Variants in ACACA observed in about 807,000 individuals in gnomAD.
The protein encoded by ACACA is acetyl-CoA carboxylase 1.
In ACACA, 103 loss-of-function variants were observed where a neutral mutation model predicts 296.1. That is an observed-to-expected ratio of 0.35 (90% CI 0.30 to 0.41). The LOEUF (loss-of-function observed/expected upper bound fraction) is 0.41. Among genes scored for constraint, ACACA ranks in the 10% least tolerant of loss-of-function variants. The pLI, the probability that ACACA is intolerant of heterozygous loss-of-function variation, is 1.00. For missense variants in ACACA, 1,554 were observed against 2,989.7 expected (o/e 0.52, Z 11.20); for synonymous variants, 953 against 1,038.6 (o/e 0.92, Z 1.58).
rs143839867 is a variant in ACACA at position 37,172,014 on chromosome 17, C to T, written c.5079+7246G>A. ...ATGAGTGCTGAACTCTGGTGCCCCC[C>T]GCTACTCCTCATTCTCTGGTGTCAT... On this transcript the variant is annotated intron_variant, in intron 41 of 55. Transcript: ENST00000616317. Among the ~76,000 whole-genome samples, 32 of 152,232 alleles carry T rather than the reference C, an allele frequency of 2.1e-4. No individual in the cohort carries two copies. In the East Asian group the frequency reaches 5.2e-3, roughly 25 times the overall value.
chr17:37,393,974 A>T (rs1387343163), intron 1 of ACACA, among the ~76,000 whole-genome samples: 1 of 152,144 alleles, frequency 6.6e-6, no homozygotes, highest in African/African-American at 2.4e-5. Flanking sequence ...ATCCATTAAT[A>T]ACTTCAAGTC....
At chr17:37,209,340 G>C (rs1468582275) in intron 30 of ACACA, among the ~76,000 whole-genome samples, 1 of 152,072 alleles carries the variant, frequency 6.6e-6, no homozygotes, top group Non-Finnish European at 1.5e-5. Flanking sequence ...CTACTTGCTT[G>C]GCATTAGACA....
Position 37,235,226 on chromosome 17 carries a change from G to A in ACACA, c.3122-127C>T, listed in dbSNP as rs112779103. 2.4e-6 allele frequency: 3 copies of A among 1,246,386 alleles called. No homozygotes were observed. In the South Asian group the frequency reaches 3.7e-5, roughly 16 times the overall value. 77.2% of individuals were successfully genotyped at this position (1,246,386 alleles called of 1,614,324 possible). ...AAGAAACATCATAAGGATTTTCTTG[G>A]ATGGATTTGTACAGAAACTGGCAAT... On this transcript the variant is annotated intron_variant, in intron 24 of 55. Coordinates refer to ENST00000616317, the MANE Select transcript of ACACA (RefSeq NM_198834.3).
chr17:37,112,404 G>A (rs1023652400), intron 51 of ACACA, among the ~76,000 whole-genome samples: 1 of 152,050 alleles, frequency 6.6e-6, no homozygotes, highest in Non-Finnish European at 1.5e-5. Context: ...ATGTAGTAAG[G>A]TTCTGTGATT....
chr17:37,339,895 CA>C, intron 1 of ACACA, 45 bp from the exon 2 acceptor site: 1 of 1,017,062 alleles, frequency 9.8e-7, no homozygotes, highest in Non-Finnish European at 1.5e-6. Flanking sequence ...TTTTAAGAAA[CA>C]AACTTTTGTC....
intron 35 of ACACA, among the ~76,000 whole-genome samples, chr17:37,194,119 A>T (rs1388083586): frequency 2.0e-5 from 3 of 152,114 alleles, no homozygotes; most frequent in Admixed American, 6.6e-5. Flanking sequence ...TTAGTTTCTG[A>T]AATTTAACTT....
At chr17:37,114,379 A>G (rs1316818273) in intron 50 of ACACA, among the ~76,000 whole-genome samples, 1 of 151,654 alleles carries the variant, frequency 6.6e-6, no homozygotes, top group South Asian at 2.1e-4. Flanking sequence ...CAAAAACCAA[A>G]AAAATTAGCA....
intron 35 of ACACA, among the ~76,000 whole-genome samples, chr17:37,195,167 T>G (rs2077934949): frequency 6.6e-6 from 1 of 152,108 alleles, no homozygotes; most frequent in South Asian, 2.1e-4. Flanking sequence ...TCAAGGAAAG[T>G]GATAATATGA....
chr17:37,252,661 C>T (rs2081049666), intron 15 of ACACA, among the ~76,000 whole-genome samples: 1 of 152,178 alleles, frequency 6.6e-6, no homozygotes, highest in Admixed American at 6.5e-5. Flanking sequence ...CCCTGCATGC[C>T]TCACTTCAAA....
chr17:37,189,502 T>C (rs1356630396), intron 38 of ACACA, among the ~76,000 whole-genome samples: 4 of 152,220 alleles, frequency 2.6e-5, no homozygotes. Flanking sequence ...TATTTACCCA[T>C]TCTTTTCTTG....
intron 52 of ACACA, among the ~76,000 whole-genome samples, chr17:37,107,823 C>T (rs1458203963): frequency 6.6e-6 from 1 of 152,178 alleles, no homozygotes; most frequent in Non-Finnish European, 1.5e-5. Flanking sequence ...ATTGATTTGT[C>T]ATTTCTCTCT....
chr17:37,220,322 G>A (rs1300037851), intron 29 of ACACA, among the ~76,000 whole-genome samples: 1 of 152,154 alleles, frequency 6.6e-6, no homozygotes, highest in Non-Finnish European at 1.5e-5. Flanking sequence ...GAGGAGGGAA[G>A]GAAATCAGAA....
chr17:37,404,751 TA>T (rs2051409950), intron 1 of ACACA, among the ~76,000 whole-genome samples: 2 of 151,822 alleles, frequency 1.3e-5, no homozygotes, highest in African/African-American at 4.8e-5. Flanking sequence ...ATTTTTTTTG[TA>T]TTTTTAGTAG....
At chr17:37,166,791 G>A (rs546354101) in intron 41 of ACACA, among the ~76,000 whole-genome samples, 1 of 152,128 alleles carries the variant, frequency 6.6e-6, no homozygotes, top group African/African-American at 2.4e-5. Flanking sequence ...AGGTATTGTT[G>A]TGAGCAACAC....
At position 37,252,077 on chromosome 17, in the gene ACACA, A is replaced by G. The variant is rs749970564; in HGVS notation, c.2009T>C (p.Val670Ala). 15 of 1,614,218 alleles carry G rather than the reference A, an allele frequency of 9.3e-6. No individual in the cohort carries two copies. The highest frequency in any genetic ancestry group is 1.2e-5 in the Non-Finnish European group (14 of 1,180,036). Residue 670 changes from valine to alanine, a missense_variant, in exon 16 of 56, where the codon GTG becomes GCG. Physicochemically the swap from Val to Ala is moderately conservative, Grantham distance 64 (BLOSUM62 0). Coordinates refer to ENST00000616317, the MANE Select transcript of ACACA (RefSeq NM_198834.3). The part of the protein sequence containing the change: ...AERPDTMLGV[V>A]CGALHVADVS... Reference sequence around the variant, plus strand: ...ATCTGCCACGTGGAGGGCACCACACACAACCCCCAACATGGTGTCAGGTCG... The same window carrying G: ...ATCTGCCACGTGGAGGGCACCACACGCAACCCCCAACATGGTGTCAGGTCG...
chr17:37,364,488 C>T (rs559914570), intron 1 of ACACA, among the ~76,000 whole-genome samples: 8 of 149,194 alleles, frequency 5.4e-5, no homozygotes, highest in South Asian at 4.2e-4. Flanking sequence ...CAGCTACTTA[C>T]GAGGCTGAGG....
In ACACA at chr17:37,113,136, G is replaced by C; in HGVS notation, c.6404C>G (p.Ser2135Cys). Residue 2135 changes from serine to cysteine, a missense_variant, in exon 51 of 56, where the codon TCC becomes TGC. Transcript: ENST00000616317. This position sits in a 1 kb window ranked among gnomAD's most constrained non-coding sequence, Gnocchi z 4.0. ...LRGGSWVVID[S>C]SINPRHMEMY... ...CTCCATGTGCCGGGGGTTGATGGAG[G>C]AGTCAATCACCACCCAGGAGCCACC... The C allele has an allele frequency of 6.2e-7, 1 of 1,614,194 alleles. No homozygotes were observed. Among genetic ancestry groups the C allele is most frequent in the East Asian group, 2.2e-5 (1 of 44,892 alleles).
intron 32 of ACACA, among the ~76,000 whole-genome samples, chr17:37,206,429 G>C (rs1258822425): frequency 6.6e-6 from 1 of 152,110 alleles, no homozygotes; most frequent in Non-Finnish European, 1.5e-5. Context: ...TCCATTCTCT[G>C]AGGACTATGA....
intron 3 of ACACA, among the ~76,000 whole-genome samples, chr17:37,324,772 T>C (rs1598491061): frequency 7.2e-6 from 1 of 138,176 alleles, no homozygotes; most frequent in African/African-American, 2.8e-5. Context: ...GAGGCGGAGG[T>C]TGTGGTGAGC....
Sources: gnomAD v4.1 joint callset for allele counts (sites outside exome capture counted in the v4.1 genomes callset) on GRCh38, gnomAD v4.1.1 for gene constraint, Gnocchi (gnomAD v3.1) non-coding constraint, MANE v1.5 for transcripts, NCBI Gene and HGNC (gene_info 2026-07-23, HGNC 2026-07-21) for gene names.